The following ZNF682 variants were observed in gnomAD, a reference collection of about 807,000 sequenced individuals.
ZNF682 encodes the protein zinc finger protein 682.
Under a neutral mutation model 36.5 loss-of-function variants are expected in ZNF682, and 29 were observed. The observed-to-expected ratio is 0.80, with a 90% confidence interval of 0.59 to 1.08. ZNF682 has a LOEUF of 1.08. ZNF682 is among the 50% of genes least tolerant of loss of function. The pLI, the probability that ZNF682 is intolerant of heterozygous loss-of-function variation, is 0.00. For synonymous variants in ZNF682, 180 were observed against 197.0 expected (o/e 0.91, Z 0.72); for missense variants, 561 against 579.7 (o/e 0.97, Z 0.33).
chr19:20,039,410 G>T lies in ZNF682; in HGVS notation c.-65C>A, dbSNP rs1327566956. Reference sequence around the variant, plus strand: ...TCTCACAGCATCTGCAAGTCAGAGGGCAACAGAGGCTGCGACAGTCACCGG... The same window carrying T: ...TCTCACAGCATCTGCAAGTCAGAGGTCAACAGAGGCTGCGACAGTCACCGG... On this transcript the variant is annotated 5_prime_UTR_variant, in exon 1 of 4. Coordinates refer to ENST00000397165, the MANE Select transcript of ZNF682 (RefSeq NM_033196.3). The T allele has an allele frequency of 6.2e-7, 1 of 1,602,550 alleles. No homozygotes were observed.
At chr19:20,031,454 G>A (rs1434477709) in intron 1 of ZNF682, among the ~76,000 whole-genome samples, 3 of 152,214 alleles carry the variant, frequency 2.0e-5, no homozygotes, top group East Asian at 1.9e-4. Flanking sequence ...GACCTGTCAC[G>A]ATGCAGAAAA....
At chr19:20,024,459 C>A in intron 1 of ZNF682, 83 bp from the exon 2 acceptor site, 1 of 1,448,116 alleles carries the variant, frequency 6.9e-7, no homozygotes, top group Non-Finnish European at 9.3e-7. Flanking sequence ...ATTGCTGTGA[C>A]TTATGAGAGT....
At chr19:20,027,007 G>GT (rs769658854) in intron 1 of ZNF682, among the ~76,000 whole-genome samples, 6 of 152,210 alleles carry the variant, frequency 3.9e-5, no homozygotes, top group African/African-American at 7.2e-5. Context: ...GTAAAAGTTT[G>GT]TAAGTTCTAA....
chr19:20,018,953 G>A (rs1034395138), intron 3 of ZNF682, among the ~76,000 whole-genome samples: 23 of 152,114 alleles, frequency 1.5e-4, no homozygotes, highest in Non-Finnish European at 2.8e-4. Flanking sequence ...ATTTAGTGGG[G>A]TGAAAATGTC....
At chr19:20,020,986 T>C (rs1163979754) in intron 3 of ZNF682, among the ~76,000 whole-genome samples, 1 of 152,172 alleles carries the variant, frequency 6.6e-6, no homozygotes, top group African/African-American at 2.4e-5. Context: ...ATCTAATGCA[T>C]AGCATCATGG....
At chr19:20,032,827 T>G (rs1223544700) in intron 1 of ZNF682, among the ~76,000 whole-genome samples, 2 of 152,304 alleles carry the variant, frequency 1.3e-5, no homozygotes, top group East Asian at 3.9e-4. Context: ...CGTAGATAGT[T>G]TATCCTAAAC....
chr19:20,024,688 A>G (rs144725470), intron 1 of ZNF682, among the ~76,000 whole-genome samples: 1,650 of 152,180 alleles, frequency 0.011, 27 homozygotes, highest in African/African-American at 0.038. Flanking sequence ...AAATACAAAA[A>G]TTAGCTGGGT....
At position 20,007,125 on chromosome 19, in the gene ZNF682, T is replaced by C. The variant is rs1599603153; in HGVS notation, c.377A>G (p.Gln126Arg). 6.2e-7 allele frequency: 1 copy of C among 1,613,596 alleles called. No homozygotes were observed. Among genetic ancestry groups the C allele is most frequent in the Non-Finnish European group, 8.5e-7 (1 of 1,180,016 alleles). The change falls in exon 4 of 4, where the codon CAA becomes CGA. Residue 126 changes from glutamine to arginine, a missense_variant. Gln to Arg is a conservative substitution (Grantham distance 43). Transcript: ENST00000397165. Reference protein sequence around the residue: ...DGENVGECKDQKEIYNGLNQC... With the variant: ...DGENVGECKDRKEIYNGLNQC... The stretch of plus-strand genomic sequence containing the variant: ...GTTAAGTCCATTATAAATTTCTTTT[T>C]GATCCTTACACTCACCCACATTTTC...
intron 1 of ZNF682, among the ~76,000 whole-genome samples, chr19:20,038,678 T>C (rs1206300609): frequency 6.7e-6 from 1 of 149,928 alleles, no homozygotes; most frequent in Non-Finnish European, 1.5e-5. Flanking sequence ...GGAAACAAAA[T>C]TCAGATTTTT....
chr19:20,034,031 T>G (rs2088503990), intron 1 of ZNF682: 1 of 155,700 alleles, frequency 6.4e-6, no homozygotes, highest in Non-Finnish European at 1.5e-5. Flanking sequence ...AAAACAGTTA[T>G]TAGTCTGTGG....
At chr19:20,031,564 C>A (rs2088479783) in intron 1 of ZNF682, among the ~76,000 whole-genome samples, 1 of 152,204 alleles carries the variant, frequency 6.6e-6, no homozygotes, top group South Asian at 2.1e-4. Context: ...GTGACATCAA[C>A]CTGGCTGTGC....
intron 1 of ZNF682, among the ~76,000 whole-genome samples, chr19:20,029,033 C>T (rs2088456921): frequency 6.9e-6 from 1 of 145,050 alleles, no homozygotes; most frequent in Non-Finnish European, 1.5e-5. Context: ...GGCTGGAGGG[C>T]AGTGGCACGA....
At chr19:20,038,137 C>T (rs1343381883) in intron 1 of ZNF682, among the ~76,000 whole-genome samples, 1 of 151,994 alleles carries the variant, frequency 6.6e-6, no homozygotes, top group Admixed American at 6.6e-5. Flanking sequence ...GAACCTCAAC[C>T]CAAAAACATT....
intron 1 of ZNF682, among the ~76,000 whole-genome samples, chr19:20,037,036 A>G (rs189777705): frequency 1.3e-4 from 20 of 152,268 alleles, no homozygotes; most frequent in Admixed American, 1.0e-3. Flanking sequence ...ATCCTTCAGG[A>G]AAAGGCAAAA....
At chr19:19,998,713 C>T (rs976191600) in intron 3 of ZNF682, among the ~76,000 whole-genome samples, 6 of 151,960 alleles carry the variant, frequency 3.9e-5, no homozygotes, top group Non-Finnish European at 7.4e-5. Flanking sequence ...TGAGAGCCCA[C>T]GTTTCTTCCA....
At chr19:19,997,000 A>G (rs576045241), downstream of ZNF682, 352 of 374,406 alleles carry the variant, frequency 9.4e-4, 3 homozygotes, top group Admixed American at 4.7e-3. Flanking sequence ...ACACAGAAAC[A>G]CTTCTCAGGG....
At position 20,004,674 on chromosome 19, in the gene ZNF682, T is replaced by G. The variant is rs542456590; in HGVS notation, c.*1331A>C. 1.3e-5 allele frequency: 2 copies of G among 152,314 alleles called. No homozygotes were observed. The highest frequency in any genetic ancestry group is 4.8e-5 in the African/African-American group (2 of 41,576). 9.4% of individuals were successfully genotyped at this position (152,314 alleles called of 1,614,324 possible). ...GTCCTCAATCTTCTGTTGAAAAGTA[T>G]GTAAATGACATCCTAATATAGAACT... On this transcript the variant is annotated 3_prime_UTR_variant, in exon 4 of 4. Transcript: ENST00000397165.
Position 20,023,030 on chromosome 19 carries a change from C to G in ZNF682, c.200G>C (p.Arg67Thr). 1 of 1,614,012 alleles carries G rather than the reference C, an allele frequency of 6.2e-7. No homozygotes were observed. The highest frequency in any genetic ancestry group is 8.5e-7 in the Non-Finnish European group (1 of 1,179,928). The change falls in exon 3 of 4, where the codon AGA (arginine) becomes ACA (threonine). Residue 67 changes from arginine (R) to threonine (T), a missense_variant. Physicochemically the swap from Arg to Thr is moderately conservative, Grantham distance 71. Coordinates refer to ENST00000397165, the MANE Select transcript of ZNF682 (RefSeq NM_033196.3). ...EQRQEPWNVK[R>T]HETIAKPPAM... ...TGGGGGTTTGGCTATGGTCTCATGT[C>G]TCTTCACATTCCAGGGCTCCTGTCT...
intron 3 of ZNF682, among the ~76,000 whole-genome samples, chr19:20,020,207 A>G (rs1037598600): frequency 6.6e-6 from 1 of 152,172 alleles, no homozygotes; most frequent in Non-Finnish European, 1.5e-5. Flanking sequence ...TCTTTAAAAA[A>G]TAAAATTAGG....
Sources: allele counts gnomAD v4.1 joint callset (sites outside exome capture counted in the v4.1 genomes callset), GRCh38; gene constraint gnomAD v4.1.1; transcripts MANE v1.5; gene names NCBI Gene and HGNC (gene_info 2026-07-23, HGNC 2026-07-21).